QTGAL: variants seen among roughly 807,000 people sequenced by gnomAD.
QTGAL encodes queuosine-tRNA galactosyltransferase.
chr17:83,043,494 A>T, the QTGAL span, among the ~76,000 whole-genome samples: 1 of 152,184 alleles, frequency 6.6e-6, no homozygotes, highest in African/African-American at 2.4e-5. Context: ...AAACACAACA[A>T]ACCAAAACTT....
the QTGAL span, among the ~76,000 whole-genome samples, chr17:83,037,687 G>C: frequency 2.0e-5 from 3 of 152,122 alleles, no homozygotes; most frequent in Non-Finnish European, 4.4e-5. The surrounding 1 kb of genome is among the most constrained non-coding windows in gnomAD (Gnocchi z 5.2). Context: ...GGCCTTCCAC[G>C]AGGCACACTG....
chr17:83,036,302 C>A, the QTGAL span, among the ~76,000 whole-genome samples: 2 of 152,168 alleles, frequency 1.3e-5, no homozygotes, highest in Non-Finnish European at 2.9e-5. Context: ...GCCCGGAGCA[C>A]GAGGGCAGCC....
chr17:82,956,475 G>A, the QTGAL span, among the ~76,000 whole-genome samples: 1 of 152,186 alleles, frequency 6.6e-6, no homozygotes, highest in Non-Finnish European at 1.5e-5. This position sits in a 1 kb window ranked among gnomAD's most constrained non-coding sequence, Gnocchi z 5.7. Context: ...CACCCATGCA[G>A]GCCACCCTCT....
At chr17:82,957,121 GTCCC>G in the QTGAL span, 1 of 1,601,274 alleles carries the variant, frequency 6.2e-7, no homozygotes, top group Non-Finnish European at 8.6e-7. Context: ...CGGAGCAGCT[GTCCC>G]TCAGCCCCGG....
the QTGAL span, among the ~76,000 whole-genome samples, chr17:83,036,394 T>C: frequency 6.6e-6 from 1 of 152,296 alleles, no homozygotes; most frequent in East Asian, 1.9e-4. Flanking sequence ...AGGGGGCTTC[T>C]GGGGGCTGCG....
chr17:82,965,647 T>C, the QTGAL span: 1 of 1,603,900 alleles, frequency 6.2e-7, no homozygotes, highest in Non-Finnish European at 8.5e-7. Context: ...CCTTCGGCCC[T>C]TACCTGACCT....
the QTGAL span, among the ~76,000 whole-genome samples, chr17:83,041,639 G>C: frequency 6.6e-6 from 1 of 152,346 alleles, no homozygotes; most frequent in East Asian, 1.9e-4. Context: ...TAAACCTGCT[G>C]TAAGTTTAAA....
chr17:83,009,195 G>A, the QTGAL span, among the ~76,000 whole-genome samples: 7 of 152,012 alleles, frequency 4.6e-5, no homozygotes, highest in Non-Finnish European at 8.8e-5. Flanking sequence ...AGGCAGAGGC[G>A]GGTGGATCAC....
At chr17:82,950,425 G>T in the QTGAL span, among the ~76,000 whole-genome samples, 2 of 152,254 alleles carry the variant, frequency 1.3e-5, no homozygotes, top group East Asian at 3.9e-4. Context: ...TGACGGGGTT[G>T]GAGAGGGGGT....
chr17:83,044,732 T>G, the QTGAL span, among the ~76,000 whole-genome samples: 3 of 152,118 alleles, frequency 2.0e-5, no homozygotes, highest in Non-Finnish European at 4.4e-5. Flanking sequence ...TCACCTGAGG[T>G]CAGGAGTTTG....
the QTGAL span, among the ~76,000 whole-genome samples, chr17:83,045,090 T>C: frequency 6.6e-6 from 1 of 152,234 alleles, no homozygotes; most frequent in African/African-American, 2.4e-5. Flanking sequence ...GAGCTAATAA[T>C]TGTAGGATAC....
chr17:83,023,720 G>A, the QTGAL span, among the ~76,000 whole-genome samples: 1 of 152,098 alleles, frequency 6.6e-6, no homozygotes, highest in African/African-American at 2.4e-5. Flanking sequence ...TCTGTTAAAC[G>A]CATGCTGGGG....
At chr17:82,958,117 T>C in the QTGAL span, among the ~76,000 whole-genome samples, 1 of 151,526 alleles carries the variant, frequency 6.6e-6, no homozygotes, top group Non-Finnish European at 1.5e-5. Context: ...GCCCCATCGC[T>C]GTCTGCCTGT....
the QTGAL span, chr17:82,965,617 G>A: frequency 1.2e-5 from 18 of 1,552,954 alleles, no homozygotes; most frequent in Non-Finnish European, 1.5e-5. Context: ...CCCGAACCTG[G>A]GGGAGGGACC....
chr17:82,971,115 C>A, the QTGAL span, among the ~76,000 whole-genome samples: 1 of 152,288 alleles, frequency 6.6e-6, no homozygotes, highest in African/African-American at 2.4e-5. Context: ...TCCCACACAG[C>A]CACGCTGGGG....
chr17:83,051,256 T>TGCGGGGGCAGGTGC, the QTGAL span, among the ~76,000 whole-genome samples: 1 of 41,334 alleles, frequency 2.4e-5, no homozygotes, highest in South Asian at 6.7e-4. Flanking sequence ...GTGTGTGAGG[T>TGCGGGGGCAGGTGC]GCGGGGGCAG....
At chr17:83,034,957 C>A in the QTGAL span, 3 of 1,203,616 alleles carry the variant, frequency 2.5e-6, no homozygotes, top group Non-Finnish European at 3.6e-6. Context: ...TCAAGAACCG[C>A]ACTAAAATGT....
At chr17:82,988,711 T>C in the QTGAL span, among the ~76,000 whole-genome samples, 1 of 152,176 alleles carries the variant, frequency 6.6e-6, no homozygotes, top group African/African-American at 2.4e-5. Flanking sequence ...CAGACACTTC[T>C]CAAAAGAAGA....
the QTGAL span, among the ~76,000 whole-genome samples, chr17:82,999,011 C>T: frequency 6.0e-5 from 9 of 150,988 alleles, no homozygotes; most frequent in African/African-American, 2.2e-4. Context: ...CATGGAAGAA[C>T]TGAATTCTCA....
Sources: allele counts gnomAD v4.1 joint callset (sites outside exome capture counted in the v4.1 genomes callset), GRCh38; gene constraint gnomAD v4.1.1; non-coding constraint Gnocchi (gnomAD v3.1); transcripts MANE v1.5; gene names NCBI Gene and HGNC (gene_info 2026-07-23, HGNC 2026-07-21).